NAV2: variants seen among roughly 807,000 people sequenced by gnomAD.
NAV2 encodes the protein helicase, APC down-regulated 1.
In NAV2, 54 loss-of-function variants were observed where a neutral mutation model predicts 223.2. That is an observed-to-expected ratio of 0.24 (90% confidence interval 0.19 to 0.30). The LOEUF (loss-of-function observed/expected upper bound fraction) is 0.30. NAV2 is among the 10% of genes least tolerant of loss of function. The pLI is 1.00. For synonymous variants in NAV2, 1,279 were observed against 1,239.3 expected, an observed-to-expected ratio of 1.03 and a Z score of -0.67; for missense variants, 2,806 against 3,147.5, an observed-to-expected ratio of 0.89 and a Z score of 2.60.
rs541913025 is a variant in NAV2 at position 20,013,429 on chromosome 11, T to C, written c.2769-22530T>C. Among the ~76,000 whole-genome samples the C allele has an allele frequency of 1.7e-4, 26 of 152,110 alleles. No individual in the cohort carries two copies. The East Asian group carries it at 4.8e-3, about 28-fold the overall frequency. Reference sequence around the variant, plus strand: ...CAGTCTATAACTTTTTCAGCTAGCCTTCCCGCTAGGCAAATACCTAGAATG... The same window carrying C: ...CAGTCTATAACTTTTTCAGCTAGCCCTCCCGCTAGGCAAATACCTAGAATG... On this transcript the variant is annotated intron_variant, in intron 11 of 37. Coordinates refer to ENST00000349880, the MANE Select transcript of NAV2 (RefSeq NM_145117.5).
intron 1 of NAV2, among the ~76,000 whole-genome samples, chr11:19,576,081 A>G (rs114144113): frequency 2.6e-5 from 4 of 152,316 alleles, no homozygotes; most frequent in African/African-American, 9.6e-5. Context: ...TGGCAGAAAA[A>G]GTGCTCAAAT....
intron 1 of NAV2, among the ~76,000 whole-genome samples, chr11:19,623,467 T>C (rs1268809038): frequency 1.3e-5 from 2 of 152,228 alleles, no homozygotes; most frequent in African/African-American, 2.4e-5. Context: ...TTCCCTTCTT[T>C]TTACTCTTTT....
intron 1 of NAV2, among the ~76,000 whole-genome samples, chr11:19,448,048 C>T (rs1851650844): frequency 6.6e-6 from 1 of 152,186 alleles, no homozygotes; most frequent in Non-Finnish European, 1.5e-5. Context: ...TGTCATGGCC[C>T]AGCCCTGCCC....
chr11:19,695,935 CT>C (rs79968487), intron 1 of NAV2, among the ~76,000 whole-genome samples: 315 of 41,020 alleles, frequency 7.7e-3, no homozygotes, highest in African/African-American at 0.013. Context: ...AGATGACCTG[CT>C]TTTTTTTTTT....
intron 1 of NAV2, among the ~76,000 whole-genome samples, chr11:19,369,800 C>T (rs1403511498): frequency 1.3e-5 from 2 of 152,170 alleles, no homozygotes; most frequent in East Asian, 1.9e-4. Context: ...ATCAGGAAAT[C>T]GAAAGATAAC....
At chr11:19,501,932 A>G (rs768669599) in intron 1 of NAV2, among the ~76,000 whole-genome samples, 1 of 152,102 alleles carries the variant, frequency 6.6e-6, no homozygotes, top group Non-Finnish European at 1.5e-5. Context: ...ACCCAACTGG[A>G]TATAAAGCAG....
At chr11:19,436,773 A>C (rs1851232299) in intron 1 of NAV2, among the ~76,000 whole-genome samples, 1 of 142,352 alleles carries the variant, frequency 7.0e-6, no homozygotes, top group African/African-American at 2.5e-5. Context: ...ATTTTTTATC[A>C]ATATTTTATG....
intron 1 of NAV2, among the ~76,000 whole-genome samples, chr11:19,825,265 C>A (rs1429234811): frequency 8.4e-6 from 1 of 119,494 alleles, no homozygotes; most frequent in South Asian, 2.8e-4. Context: ...GCACTCCAGC[C>A]TGGGAGACAG....
At chr11:19,899,432 T>C (rs1414200507) in intron 6 of NAV2, among the ~76,000 whole-genome samples, 2 of 152,214 alleles carry the variant, frequency 1.3e-5, no homozygotes, top group Non-Finnish European at 2.9e-5. Context: ...AATTACAGGT[T>C]AGACTAGATG....
intron 26 of NAV2, among the ~76,000 whole-genome samples, chr11:20,083,603 G>C (rs993702153): frequency 2.0e-5 from 3 of 152,110 alleles, no homozygotes; most frequent in African/African-American, 7.2e-5. Flanking sequence ...TGGTGTTCCA[G>C]GTCTAGAATT....
chr11:19,434,298 A>G (rs968023855), intron 1 of NAV2, among the ~76,000 whole-genome samples: 5 of 152,214 alleles, frequency 3.3e-5, no homozygotes, highest in African/African-American at 1.2e-4. Flanking sequence ...TAAAGATATT[A>G]AGGCATCTTG....
chr11:19,530,822 A>G (rs551531659), intron 1 of NAV2, among the ~76,000 whole-genome samples: 2 of 152,362 alleles, frequency 1.3e-5, no homozygotes, highest in South Asian at 4.1e-4. Flanking sequence ...TTCCAATTAT[A>G]CAGATTAGAA....
intron 1 of NAV2, among the ~76,000 whole-genome samples, chr11:19,520,522 C>T (rs1427469236): frequency 4.6e-5 from 7 of 152,210 alleles, no homozygotes; most frequent in African/African-American, 7.2e-5. Context: ...GTTTCAGCCA[C>T]GCTGCCTGCT....
chr11:20,082,870 A>G, intron 25 of NAV2, 137 bp from the exon 26 acceptor site: 1 of 843,204 alleles, frequency 1.2e-6, no homozygotes, highest in Non-Finnish European at 1.8e-6. Context: ...GATTCAAAAG[A>G]GCTCTTGGGA....
chr11:19,512,690 G>A (rs985694693), intron 1 of NAV2, among the ~76,000 whole-genome samples: 2 of 152,228 alleles, frequency 1.3e-5, no homozygotes, highest in Non-Finnish European at 2.9e-5. Context: ...CCTTTGCCAG[G>A]AGAAAAGAAA....
chr11:20,050,000 A>G (rs1056367948), intron 16 of NAV2, 99 bp downstream of exon 16: 5 of 1,096,846 alleles, frequency 4.6e-6, no homozygotes, highest in Middle Eastern at 2.3e-4. Context: ...GGCCTAAGCC[A>G]CCTGCTTGTG....
At chr11:20,099,814 G>A (rs1447887354) in intron 31 of NAV2, among the ~76,000 whole-genome samples, 1 of 152,022 alleles carries the variant, frequency 6.6e-6, no homozygotes, top group African/African-American at 2.4e-5. Flanking sequence ...TACAGAGAGG[G>A]TGTTCTAGTG....
chr11:19,417,498 G>T (rs1349638577), intron 1 of NAV2, among the ~76,000 whole-genome samples: 1 of 152,230 alleles, frequency 6.6e-6, no homozygotes, highest in East Asian at 1.9e-4. Context: ...CTGTTGGTGG[G>T]ATTGTAAATT....
At chr11:19,610,789 G>C (rs969437790) in intron 1 of NAV2, among the ~76,000 whole-genome samples, 2 of 151,934 alleles carry the variant, frequency 1.3e-5, no homozygotes, top group Non-Finnish European at 2.9e-5. Context: ...TGGACAGATG[G>C]ATGGATGGAT....
Sources: allele counts gnomAD v4.1 joint callset (sites outside exome capture counted in the v4.1 genomes callset), GRCh38; gene constraint gnomAD v4.1.1; transcripts MANE v1.5; gene names NCBI Gene and HGNC (gene_info 2026-07-23, HGNC 2026-07-21).